Variants in ZFAND1 observed in about 807,000 individuals in gnomAD.
ZFAND1 encodes zinc finger AN1-type containing 1.
Under a neutral mutation model 38.5 loss-of-function variants are expected in ZFAND1, and 40 were observed. The ratio of observed to expected loss-of-function variants is 1.04; its 90% CI spans 0.81 to 1.35. ZFAND1 has a LOEUF of 1.35. Among genes scored for constraint, ZFAND1 ranks in the 40% most tolerant of loss-of-function variants. The pLI is 0.00. For synonymous variants in ZFAND1, 117 were observed against 103.6 expected (o/e 1.13, Z -0.78); for missense variants, 346 against 316.3 (o/e 1.09, Z -0.71).
At chr8:81,713,397 A>G (rs1372923536) in intron 6 of ZFAND1, among the ~76,000 whole-genome samples, 1 of 152,204 alleles carries the variant, frequency 6.6e-6, no homozygotes, top group Non-Finnish European at 1.5e-5. Context: ...TGCTAGGATT[A>G]CAGGTGTGAG....
At position 81,702,874 on chromosome 8, in the gene ZFAND1, G is replaced by C; in HGVS notation, c.637-9C>G. 6.3e-7 allele frequency: 1 copy of C among 1,577,570 alleles called. No homozygotes were observed. Among genetic ancestry groups the C allele is most frequent in the Non-Finnish European group, 8.6e-7 (1 of 1,166,164 alleles). ...TGACACAGCCTTAATTTCTGTGAAGGGAGAAGTAAGTCATACTGTAATAAA... is the reference window on the plus strand; with the variant it reads ...TGACACAGCCTTAATTTCTGTGAAGCGAGAAGTAAGTCATACTGTAATAAA... On this transcript the variant is annotated splice_polypyrimidine_tract_variant and intron_variant, in intron 7 of 7. Coordinates refer to ENST00000220669, the MANE Select transcript of ZFAND1 (RefSeq NM_024699.3).
chr8:81,717,352 G>A (rs1292451236), intron 2 of ZFAND1, 64 bp from the exon 3 acceptor site: 16 of 1,325,302 alleles, frequency 1.2e-5, no homozygotes, highest in South Asian at 5.1e-5. Flanking sequence ...AGAAATTTGC[G>A]ATATTTTAAT....
chr8:81,712,941 A>G (rs1339005321), intron 6 of ZFAND1, among the ~76,000 whole-genome samples: 2 of 152,214 alleles, frequency 1.3e-5, no homozygotes, highest in Non-Finnish European at 2.9e-5. Flanking sequence ...ACAATCACTG[A>G]CAACAGGAAG....
Position 81,702,507 on chromosome 8 carries a change from T to C in ZFAND1, c.*188A>G, listed in dbSNP as rs1056021433. On this transcript the variant is annotated 3_prime_UTR_variant, in exon 8 of 8. Coordinates refer to ENST00000220669, the MANE Select transcript of ZFAND1 (RefSeq NM_024699.3). ...ATAAGAATTTGCTAATAATTGAGGA[T>C]CCGTACACAATTAAACTTAAAACCA... 2.3e-5 allele frequency: 9 copies of C among 399,436 alleles called. No individual in the cohort carries two copies. Among genetic ancestry groups the C allele is most frequent in the Admixed American group, 4.5e-5 (1 of 22,388 alleles). The allele number at this position is 399,436 out of a possible 1,614,324, so 24.7% of individuals were successfully genotyped here. A position where few individuals can be genotyped will look rare whatever the true frequency, so the allele number is the denominator to read the frequency against.
intron 3 of ZFAND1, 56 bp downstream of exon 3, chr8:81,717,193 A>G: frequency 1.4e-6 from 2 of 1,428,330 alleles, no homozygotes; most frequent in Non-Finnish European, 1.9e-6. Context: ...TCAAATTCTG[A>G]ATGAAAGTAC....
At chr8:81,717,970 T>A (rs930275866) in intron 2 of ZFAND1, among the ~76,000 whole-genome samples, 1 of 152,096 alleles carries the variant, frequency 6.6e-6, no homozygotes, top group Non-Finnish European at 1.5e-5. Context: ...AAAATATAAC[T>A]TTTATATAAA....
At chr8:81,718,281 T>A in intron 1 of ZFAND1, 57 bp from the exon 2 acceptor site, 3 of 1,417,144 alleles carry the variant, frequency 2.1e-6, no homozygotes, top group Non-Finnish European at 2.9e-6. Context: ...TTTAGTTTTC[T>A]TAAGCAAGAA....
At chr8:81,718,075 C>T in intron 2 of ZFAND1, 107 bp downstream of exon 2, 1 of 894,172 alleles carries the variant, frequency 1.1e-6, no homozygotes, top group Non-Finnish European at 1.6e-6. Context: ...TATCAATAAT[C>T]AATGGCTAAA....
chr8:81,710,808 C>T (rs905911806), intron 6 of ZFAND1, among the ~76,000 whole-genome samples: 73 of 151,966 alleles, frequency 4.8e-4, no homozygotes, highest in African/African-American at 1.7e-3. Flanking sequence ...CTTGATAATA[C>T]GTAACTCTAC....
At chr8:81,711,169 T>C (rs1334291876) in intron 6 of ZFAND1, among the ~76,000 whole-genome samples, 2 of 152,074 alleles carry the variant, frequency 1.3e-5, no homozygotes, top group Non-Finnish European at 2.9e-5. Flanking sequence ...ATCCCAGCAC[T>C]TTGGGAGGCA....
chr8:81,703,296 T>C (rs1807868982), intron 6 of ZFAND1, among the ~76,000 whole-genome samples, 172 bp from the exon 7 acceptor site: 1 of 152,204 alleles, frequency 6.6e-6, no homozygotes, highest in Non-Finnish European at 1.5e-5. Context: ...TGCATGGGCA[T>C]AGGACCAAGA....
intron 6 of ZFAND1, among the ~76,000 whole-genome samples, chr8:81,704,924 A>G (rs1029852840): frequency 2.2e-4 from 34 of 151,942 alleles, no homozygotes; most frequent in African/African-American, 7.7e-4. Context: ...AAATATAGAA[A>G]GAGAAAATTG....
At position 81,721,253 on chromosome 8, in the gene ZFAND1, C is replaced by T. The variant is rs1378394510; in HGVS notation, c.29G>A (p.Cys10Tyr). The T allele has an allele frequency of 2.6e-6, 4 of 1,549,294 alleles. No homozygotes were observed. In the Admixed American group the frequency reaches 7.8e-5, roughly 30 times the overall value. MAELDIGQH[C>Y]QVEHCRQRDF... ...TCGCTGCCGGCAATGCTCCACCTGGCAGTGCTGCCCGATGTCCAACTCCGC... is the reference window on the plus strand; with the variant it reads ...TCGCTGCCGGCAATGCTCCACCTGGTAGTGCTGCCCGATGTCCAACTCCGC... The change falls in exon 1 of 8, where the codon TGC (cysteine) becomes TAC (tyrosine). Residue 10 changes from cysteine (C) to tyrosine (Y), a missense_variant. Transcript: ENST00000220669.
chr8:81,714,900 G>A lies in ZFAND1; in HGVS notation c.267-5C>T. The A allele has an allele frequency of 1.2e-6, 2 of 1,614,030 alleles. No individual in the cohort carries two copies. The highest frequency in any genetic ancestry group is 1.7e-6 in the Non-Finnish European group (2 of 1,179,934). On this transcript the variant is annotated splice_region_variant and splice_polypyrimidine_tract_variant and intron_variant, in intron 4 of 7. Transcript: ENST00000220669. ...TGATCTGACTGATGACGGTGTCTAT[G>A]AGCAACAGAAGAGTGACACTAGTTC...
chr8:81,716,991 T>C (rs1461941611), intron 3 of ZFAND1, among the ~76,000 whole-genome samples: 3 of 151,996 alleles, frequency 2.0e-5, no homozygotes, highest in African/African-American at 7.3e-5. Flanking sequence ...ATATATAGCC[T>C]TATACTGTAA....
chr8:81,714,258 A>C, intron 5 of ZFAND1: 1 of 446,302 alleles, frequency 2.2e-6, no homozygotes, highest in Non-Finnish European at 3.9e-6. Flanking sequence ...AATCCACTAT[A>C]ATGTGCTTCT....
chr8:81,710,836 T>TA (rs1365942754), intron 6 of ZFAND1, among the ~76,000 whole-genome samples: 2 of 152,204 alleles, frequency 1.3e-5, no homozygotes, highest in Admixed American at 6.5e-5. Flanking sequence ...TAGAGTTATA[T>TA]AAAAAAATTA....
chr8:81,716,560 C>T (rs1179051406), intron 3 of ZFAND1, among the ~76,000 whole-genome samples: 2 of 152,294 alleles, frequency 1.3e-5, no homozygotes, highest in East Asian at 3.9e-4. Flanking sequence ...CAGATCCTAT[C>T]AGCAGGCATC....
chr8:81,715,650 TA>T (rs76111814), intron 3 of ZFAND1, among the ~76,000 whole-genome samples: 6,589 of 139,296 alleles, frequency 0.047, 133 homozygotes, highest in South Asian at 0.093. Flanking sequence ...TTTATAAGAC[TA>T]AAAAAAAAAA....
Sources: allele counts gnomAD v4.1 joint callset (sites outside exome capture counted in the v4.1 genomes callset), GRCh38; gene constraint gnomAD v4.1.1; transcripts MANE v1.5; gene names NCBI Gene and HGNC (gene_info 2026-07-23, HGNC 2026-07-21).